HIBADH: variants seen among roughly 807,000 people sequenced by gnomAD.
HIBADH encodes 3-hydroxyisobutyrate dehydrogenase, also known as 3-hydroxyisobutyrate dehydrogenase, mitochondrial.
Under a neutral mutation model 36.1 loss-of-function variants are expected in HIBADH, and 25 were observed. That is an observed-to-expected ratio of 0.69 (90% confidence interval 0.50 to 0.97). The LOEUF is 0.97. HIBADH is among the 50% of genes least tolerant of loss of function. The pLI, the probability that HIBADH is intolerant of heterozygous loss-of-function variation, is 0.00. For missense variants in HIBADH, 421 were observed against 418.0 expected (o/e 1.01, Z -0.06); for synonymous variants, 160 against 149.5 (o/e 1.07, Z -0.51).
At chr7:27,562,733 T>C (rs1784485943) in intron 4 of HIBADH, among the ~76,000 whole-genome samples, 1 of 152,188 alleles carries the variant, frequency 6.6e-6, no homozygotes, top group African/African-American at 2.4e-5. Context: ...GCTGAGATTA[T>C]GGGTATGAGC....
At chr7:27,640,081 C>G (rs1424083484) in intron 2 of HIBADH, among the ~76,000 whole-genome samples, 1 of 152,200 alleles carries the variant, frequency 6.6e-6, no homozygotes, top group African/African-American at 2.4e-5. Flanking sequence ...GTGGCAATTG[C>G]TTAAAGGCAT....
intron 4 of HIBADH, among the ~76,000 whole-genome samples, chr7:27,628,509 G>A (rs917443822): frequency 2.6e-5 from 4 of 152,030 alleles, no homozygotes; most frequent in African/African-American, 7.2e-5. Context: ...TTACAGAGAA[G>A]CCATACTATA....
intron 4 of HIBADH, among the ~76,000 whole-genome samples, chr7:27,547,080 C>A (rs1199456250): frequency 6.6e-6 from 1 of 152,158 alleles, no homozygotes; most frequent in Non-Finnish European, 1.5e-5. Context: ...TCCTACAAAG[C>A]CCTACATGAT....
intron 4 of HIBADH, among the ~76,000 whole-genome samples, chr7:27,548,342 ACAATCCTTGTTCT>A (rs1784265622): frequency 6.6e-6 from 1 of 152,098 alleles, no homozygotes; most frequent in African/African-American, 2.4e-5. Context: ...TGAGGAAGAA[ACAATCCTTGTTCT>A]CAAGGAGTTT....
intron 6 of HIBADH, among the ~76,000 whole-genome samples, chr7:27,535,072 T>C (rs1784054130): frequency 6.7e-6 from 1 of 149,178 alleles, no homozygotes; most frequent in African/African-American, 2.5e-5. Flanking sequence ...GATGGCATTT[T>C]ATGAGTTTAT....
intron 5 of HIBADH, among the ~76,000 whole-genome samples, chr7:27,539,010 T>C (rs1784108859): frequency 1.3e-5 from 2 of 152,118 alleles, no homozygotes; most frequent in Admixed American, 6.6e-5. Context: ...AATTGTTTAA[T>C]ATGCCTGTGT....
At chr7:27,528,382 AAGGC>A (rs891788431) in intron 7 of HIBADH, among the ~76,000 whole-genome samples, 9 of 152,216 alleles carry the variant, frequency 5.9e-5, no homozygotes, top group African/African-American at 2.2e-4. Flanking sequence ...GACAGGCTGA[AAGGC>A]AGGCCCATTA....
intron 4 of HIBADH, among the ~76,000 whole-genome samples, chr7:27,618,068 A>C (rs1226409540): frequency 2.0e-5 from 3 of 152,068 alleles, no homozygotes; most frequent in African/African-American, 7.2e-5. Flanking sequence ...AGCAATTCAC[A>C]AACCCTGTGC....
Position 27,577,725 on chromosome 7 carries a change from T to G in HIBADH, c.485-34625A>C, listed in dbSNP as rs145835642. Among the ~76,000 whole-genome samples, 493 of 152,278 alleles carry G rather than the reference T, an allele frequency of 3.2e-3. 6 individuals are homozygous for G. The highest frequency in any genetic ancestry group is 0.011 in the African/African-American group (464 of 41,550). ...AGTCAAGATAATCATCCTCGTTCCC[T>G]AAAGTAGTGGCAATGCTGTAGCATC... On this transcript the variant is annotated intron_variant, in intron 4 of 7. Transcript: ENST00000265395.
intron 4 of HIBADH, among the ~76,000 whole-genome samples, chr7:27,584,919 T>C (rs188604622): frequency 5.3e-5 from 8 of 152,122 alleles, no homozygotes; most frequent in Admixed American, 4.6e-4. Context: ...ATTTTCACTT[T>C]ATGGCCTCCT....
intron 4 of HIBADH, among the ~76,000 whole-genome samples, chr7:27,589,857 T>C (rs723699): frequency 0.46 from 70,370 of 151,934 alleles, 17,450 homozygotes; most frequent in East Asian, 0.94. Context: ...GTGACCTACA[T>C]TGGAGTCCTG....
chr7:27,622,201 C>T (rs909953637), intron 4 of HIBADH, among the ~76,000 whole-genome samples: 2 of 152,168 alleles, frequency 1.3e-5, no homozygotes, highest in African/African-American at 4.8e-5. Context: ...GCTGTGATTG[C>T]ACCACTGCAC....
At chr7:27,552,519 C>T (rs1446858334) in intron 4 of HIBADH, among the ~76,000 whole-genome samples, 1 of 152,118 alleles carries the variant, frequency 6.6e-6, no homozygotes, top group Admixed American at 6.5e-5. Flanking sequence ...GGGATCATTT[C>T]CTCCCAGCAA....
At chr7:27,579,871 C>T (rs1442099977) in intron 4 of HIBADH, among the ~76,000 whole-genome samples, 2 of 152,220 alleles carry the variant, frequency 1.3e-5, no homozygotes, top group Non-Finnish European at 2.9e-5. Flanking sequence ...ATTTGACTCA[C>T]ATTAGTAAGA....
intron 4 of HIBADH, among the ~76,000 whole-genome samples, chr7:27,561,436 A>G (rs1465095164): frequency 6.6e-6 from 1 of 152,126 alleles, no homozygotes; most frequent in Non-Finnish European, 1.5e-5. Context: ...TTTTAATTGT[A>G]TTTTTACTAC....
intron 2 of HIBADH, among the ~76,000 whole-genome samples, chr7:27,648,230 A>C (rs1786112677): frequency 6.6e-6 from 1 of 152,200 alleles, no homozygotes; most frequent in East Asian, 1.9e-4. Flanking sequence ...TCTCTCCAAC[A>C]AGGCTACTAA....
intron 3 of HIBADH, among the ~76,000 whole-genome samples, chr7:27,630,029 A>G (rs1432393304): frequency 3.3e-5 from 5 of 152,266 alleles, no homozygotes; most frequent in African/African-American, 9.6e-5. Flanking sequence ...TGTAACTTTA[A>G]TGACAAAATA....
chr7:27,568,687 T>C (rs1784583313), intron 4 of HIBADH, among the ~76,000 whole-genome samples: 1 of 152,106 alleles, frequency 6.6e-6, no homozygotes, highest in Non-Finnish European at 1.5e-5. Flanking sequence ...GCCAGGCTGG[T>C]CTCAAACTCC....
intron 4 of HIBADH, among the ~76,000 whole-genome samples, chr7:27,561,069 A>G (rs937027324): frequency 1.3e-5 from 2 of 152,186 alleles, no homozygotes; most frequent in Non-Finnish European, 2.9e-5. Context: ...GATGTAGAGC[A>G]TATTTTCATG....
Sources: gnomAD v4.1 joint callset for allele counts (sites outside exome capture counted in the v4.1 genomes callset) on GRCh38, gnomAD v4.1.1 for gene constraint, MANE v1.5 for transcripts, NCBI Gene and HGNC (gene_info 2026-07-23, HGNC 2026-07-21) for gene names.